Variants in CENPL observed in about 807,000 individuals in gnomAD.
The protein encoded by CENPL is interphase centromere complex protein 33.
CENPL carries 20 observed loss-of-function variants against 35.2 expected under a neutral mutation model. The ratio of observed to expected loss-of-function variants is 0.57; its 90% CI spans 0.40 to 0.83. The LOEUF (loss-of-function observed/expected upper bound fraction) is 0.83. CENPL is among the 40% of genes least tolerant of loss of function. The pLI is 0.00. For synonymous variants in CENPL, 140 were observed against 140.6 expected, an observed-to-expected ratio of 1.00 and a Z score of 0.03; for missense variants, 363 against 395.8, an observed-to-expected ratio of 0.92 and a Z score of 0.70.
intron 2 of CENPL, among the ~76,000 whole-genome samples, chr1:173,816,610 C>T (rs1445055611): frequency 6.6e-6 from 1 of 152,138 alleles, no homozygotes; most frequent in Non-Finnish European, 1.5e-5. Flanking sequence ...ATAAATGGTG[C>T]TGGGAAAACT....
chr1:173,804,955 A>C (rs1255514962), intron 4 of CENPL, among the ~76,000 whole-genome samples: 1 of 152,248 alleles, frequency 6.6e-6, no homozygotes, highest in Non-Finnish European at 1.5e-5. Context: ...GAAATTATGA[A>C]AGACTCTCAA....
At chr1:173,807,586 T>A in intron 3 of CENPL, 68 bp from the exon 4 acceptor site, 1 of 1,245,074 alleles carries the variant, frequency 8.0e-7, no homozygotes, top group Non-Finnish European at 1.1e-6. Context: ...ATCATAGCAT[T>A]TAAAACATCT....
chr1:173,815,495 AG>A (rs1651274965), intron 2 of CENPL, among the ~76,000 whole-genome samples: 1 of 152,200 alleles, frequency 6.6e-6, no homozygotes, highest in Non-Finnish European at 1.5e-5. Flanking sequence ...ACCATGACCA[AG>A]TCAGCTTCGT....
chr1:173,802,795 T>A (rs1480250895), intron 5 of CENPL, among the ~76,000 whole-genome samples, 168 bp downstream of exon 5: 1 of 152,186 alleles, frequency 6.6e-6, no homozygotes, highest in Middle Eastern at 3.2e-3. Flanking sequence ...TAAGGCTATA[T>A]CTAGAAGGCT....
intron 2 of CENPL, among the ~76,000 whole-genome samples, chr1:173,815,894 A>G (rs935011497): frequency 2.6e-5 from 4 of 152,196 alleles, no homozygotes; most frequent in Non-Finnish European, 5.9e-5. Flanking sequence ...AGGAAGTCAA[A>G]TTGTCCCTGT....
At chr1:173,823,853 G>C (rs775663025) in intron 2 of CENPL, 73 bp downstream of exon 2, 1 of 152,142 alleles carries the variant, frequency 6.6e-6, no homozygotes, top group Non-Finnish European at 1.5e-5. Flanking sequence ...CGCAAGTATT[G>C]TAAGATAATG....
intron 5 of CENPL, among the ~76,000 whole-genome samples, chr1:173,801,376 A>G (rs994215119): frequency 1.3e-5 from 2 of 150,540 alleles, no homozygotes; most frequent in African/African-American, 4.9e-5. Context: ...TTAGCCAAGT[A>G]TGGTGGTGGA....
At chr1:173,822,205 A>G (rs1347636428) in intron 2 of CENPL, 2 of 152,202 alleles carry the variant, frequency 1.3e-5, no homozygotes, top group Non-Finnish European at 2.9e-5. Context: ...ACTACAAAGA[A>G]ACTGTACTTT....
Position 173,807,395 on chromosome 1 carries a change from A to C in CENPL, c.292T>G (p.Phe98Val). 1.2e-6 allele frequency: 2 copies of C among 1,613,620 alleles called. No homozygotes were observed. The highest frequency in any genetic ancestry group is 1.3e-5 in the African/African-American group (1 of 75,028). The part of the protein sequence containing the change: ...LKEYSRLLNA[F>V]IVAEKQKGLA... ...CCTTTTTGCTTTTCAGCAACAATAAAAGCATTGAGAAGTCTAGAATACTCT... is the reference window on the plus strand; with the variant it reads ...CCTTTTTGCTTTTCAGCAACAATAACAGCATTGAGAAGTCTAGAATACTCT... The change falls in exon 4 of 6, where the codon TTT (phenylalanine) becomes GTT (valine). Residue 98 changes from phenylalanine (F) to valine (V), a missense_variant. Transcript: ENST00000682279.
chr1:173,816,866 G>A (rs561335678), intron 2 of CENPL, among the ~76,000 whole-genome samples: 37 of 152,304 alleles, frequency 2.4e-4, no homozygotes, highest in African/African-American at 8.2e-4. Context: ...CAGGCCGGGC[G>A]CAGTGGCTCA....
At chr1:173,801,918 G>A (rs1557843757) in intron 5 of CENPL, among the ~76,000 whole-genome samples, 1 of 151,934 alleles carries the variant, frequency 6.6e-6, no homozygotes, top group Non-Finnish European at 1.5e-5. Context: ...AGCTACTCAG[G>A]AGGCTGAGGC....
intron 4 of CENPL, among the ~76,000 whole-genome samples, chr1:173,806,734 G>A (rs1294475607): frequency 6.6e-6 from 1 of 151,968 alleles, no homozygotes; most frequent in Admixed American, 6.6e-5. Context: ...TGTTGCCCAG[G>A]ATGGTCTCAA....
chr1:173,819,336 T>A (rs1175656711), intron 2 of CENPL, among the ~76,000 whole-genome samples: 1 of 152,228 alleles, frequency 6.6e-6, no homozygotes, highest in Non-Finnish European at 1.5e-5. Context: ...ACGCCTGTAA[T>A]CCCAGCACTT....
In CENPL at chr1:173,802,950, T is replaced by C. The variant is rs752678405; in HGVS notation, c.963+13A>G. On this transcript the variant is annotated intron_variant, in intron 5 of 5. Coordinates refer to ENST00000682279, the MANE Select transcript of CENPL (RefSeq NM_001387287.1). ...ACAAGGAAAAATTACTTAACTAGAT[T>C]GTTCAAACTAACCTTTATTTTTCCA... 6.4e-7 allele frequency: 1 copy of C among 1,556,782 alleles called. No individual in the cohort carries two copies. The highest frequency in any genetic ancestry group is 1.2e-5 in the South Asian group (1 of 82,940).
In CENPL at chr1:173,811,164, G is replaced by A. The variant is rs750186632; in HGVS notation, c.136C>T (p.Arg46Ter). ...KQSSFILTPP[R>*]RKIPQCSQLQ... ...TGCGAACACTGGGGAATTTTCCTTC[G>A]AGGTGGAGTCAGGATAAATGAACTC... The change falls in exon 3 of 6, where the codon CGA becomes TGA. Residue 46 changes from arginine to a stop codon, truncating the protein, a stop_gained. Coordinates refer to ENST00000682279, the MANE Select transcript of CENPL (RefSeq NM_001387287.1). LOFTEE classifies it high-confidence loss of function. 6.2e-6 allele frequency: 10 copies of A among 1,613,224 alleles called. No homozygotes were observed. The highest frequency in any genetic ancestry group is 2.2e-5 in the East Asian group (1 of 44,864).
rs755137479 is a variant in CENPL, at chr1:173,811,183, T to C, written c.117A>G (p.Ser39=). The C allele has an allele frequency of 6.2e-7, 1 of 1,614,044 alleles. No individual in the cohort carries two copies. The highest frequency in any genetic ancestry group is 1.3e-5 in the African/African-American group (1 of 75,054). ...TCCTTCGAGGTGGAGTCAGGATAAA[T>C]GAACTCTGCTTCCTGACCGATTCTA... is the stretch of plus-strand genomic sequence containing the variant. ...KRLESVRKQS[S]FILTPPRRKI... The change falls in exon 3 of 6, where the codon TCA becomes TCG. Residue 39 remains serine (S), a synonymous_variant. Coordinates refer to ENST00000682279, the MANE Select transcript of CENPL (RefSeq NM_001387287.1).
In CENPL at chr1:173,812,473, A is replaced by G. The variant is rs188302716; in HGVS notation, c.-7-1167T>C. On this transcript the variant is annotated intron_variant, in intron 2 of 5. Transcript: ENST00000682279. ...CACTATGGGACGAAGCTTCCAGAGGAAGGATCAGGCAGCAATGTTTGCTGT... is the reference window on the plus strand; with the variant it reads ...CACTATGGGACGAAGCTTCCAGAGGGAGGATCAGGCAGCAATGTTTGCTGT... Among the ~76,000 whole-genome samples the G allele has an allele frequency of 3.8e-3, 584 of 152,336 alleles. 4 individuals are homozygous for G. Among genetic ancestry groups the G allele is most frequent in the African/African-American group, 0.012 (502 of 41,576 alleles).
At chr1:173,811,359 G>C in intron 2 of CENPL, 53 bp from the exon 3 acceptor site, 2 of 1,239,056 alleles carry the variant, frequency 1.6e-6, no homozygotes, top group Non-Finnish European at 2.3e-6. Context: ...GTTAATTCAT[G>C]CTTACAGTTT....
chr1:173,817,856 G>C (rs1229971865), intron 2 of CENPL, among the ~76,000 whole-genome samples: 1 of 152,112 alleles, frequency 6.6e-6, no homozygotes, highest in Non-Finnish European at 1.5e-5. Context: ...CCTTTGCAGG[G>C]ACATGGATGA....
Sources: allele counts gnomAD v4.1 joint callset (sites outside exome capture counted in the v4.1 genomes callset), GRCh38; gene constraint gnomAD v4.1.1; transcripts MANE v1.5; gene names NCBI Gene and HGNC (gene_info 2026-07-23, HGNC 2026-07-21).